THSD7A: variants seen among roughly 807,000 people sequenced by gnomAD.
THSD7A encodes the protein thrombospondin type-1 domain-containing protein 7A.
In THSD7A, 96 loss-of-function variants were observed where a neutral mutation model predicts 231.3. The observed-to-expected ratio is 0.41, with a 90% confidence interval of 0.35 to 0.49. The LOEUF is 0.49. Among genes scored for constraint, THSD7A ranks in the 20% least tolerant of loss-of-function variants. The pLI is 0.05. For missense variants in THSD7A, 2,290 were observed against 2,070.2 expected (o/e 1.11, Z -2.06); for synonymous variants, 940 against 743.3 (o/e 1.26, Z -4.30).
intron 13 of THSD7A, among the ~76,000 whole-genome samples, chr7:11,430,000 C>A (rs797012717): frequency 2.6e-5 from 4 of 152,278 alleles, no homozygotes; most frequent in African/African-American, 9.6e-5. Flanking sequence ...ATTCTCAAGG[C>A]AAACATGTGA....
At position 11,541,618 on chromosome 7, in the gene THSD7A, C is replaced by T. The variant is rs779112785; in HGVS notation, c.1623G>A (p.Arg541=). ...TGGGCTCATTGGTAATGCGCCGCTT[C>T]CTCAGTTTGAAGCCTGAATTATGGG... The part of the protein sequence containing the change: ...DQQGKKGFKL[R]KRRITNEPTG... Residue 541 remains arginine, a synonymous_variant, in exon 6 of 28, where the codon AGG becomes AGA. Transcript: ENST00000423059. 5 of 1,613,648 alleles carry T rather than the reference C, an allele frequency of 3.1e-6. No homozygotes were observed. In the African/African-American group the frequency reaches 5.3e-5, roughly 17 times the overall value.
intron 1 of THSD7A, among the ~76,000 whole-genome samples, chr7:11,826,408 T>C (rs1197202153): frequency 6.6e-6 from 1 of 152,248 alleles, no homozygotes; most frequent in East Asian, 1.9e-4. Flanking sequence ...GTATTCAACA[T>C]TTTTTGTCTG....
chr7:11,583,052 A>C (rs1791235958), intron 4 of THSD7A, among the ~76,000 whole-genome samples: 1 of 151,914 alleles, frequency 6.6e-6, no homozygotes, highest in African/African-American at 2.4e-5. Context: ...TCTCAGTGTT[A>C]AATATTCAAT....
intron 1 of THSD7A, among the ~76,000 whole-genome samples, chr7:11,735,485 G>A (rs1237108210): frequency 6.6e-6 from 1 of 151,920 alleles, no homozygotes; most frequent in African/African-American, 2.4e-5. Flanking sequence ...CAGGCTATGT[G>A]TGTAAGGTGT....
intron 6 of THSD7A, among the ~76,000 whole-genome samples, chr7:11,500,860 G>T (rs1435549568): frequency 2.0e-5 from 3 of 151,708 alleles, no homozygotes; most frequent in African/African-American, 7.3e-5. Flanking sequence ...GCTTGAATCT[G>T]GGAGGCAAAG....
Position 11,569,545 on chromosome 7 carries a change from A to G in THSD7A, c.1453+20915T>C, listed in dbSNP as rs774790935. Among the ~76,000 whole-genome samples, 129 of 152,324 alleles carry G rather than the reference A, an allele frequency of 8.5e-4. 1 individual carries two copies. The highest frequency in any genetic ancestry group is 3.4e-3 in the Middle Eastern group (1 of 294). ...AACATAAGAAATGCTGATAAGAATG[A>G]AGAGAAAAGTGAACAAGAGTTCCCT... On this transcript the variant is annotated intron_variant, in intron 4 of 27. Coordinates refer to ENST00000423059, the MANE Select transcript of THSD7A (RefSeq NM_015204.3).
intron 1 of THSD7A, among the ~76,000 whole-genome samples, chr7:11,763,930 G>T (rs1356653053): frequency 6.6e-6 from 1 of 152,008 alleles, no homozygotes; most frequent in Non-Finnish European, 1.5e-5. Context: ...TATTAAATGG[G>T]GATAAGTAAG....
intron 4 of THSD7A, among the ~76,000 whole-genome samples, chr7:11,561,339 A>C (rs769618860): frequency 4.6e-5 from 7 of 152,218 alleles, no homozygotes; most frequent in Non-Finnish European, 8.8e-5. Context: ...CACATATCAA[A>C]CCTAGTGGTC....
intron 1 of THSD7A, among the ~76,000 whole-genome samples, chr7:11,648,637 CGTGTGT>C (rs3031455): frequency 2.1e-5 from 3 of 141,058 alleles, no homozygotes; most frequent in African/African-American, 5.3e-5. Flanking sequence ...TATTTTGTGG[CGTGTGT>C]GTGTGTGTGT....
intron 6 of THSD7A, among the ~76,000 whole-genome samples, chr7:11,529,405 T>C (rs1424428911): frequency 2.0e-5 from 3 of 152,134 alleles, no homozygotes. Context: ...ATCAAGTTAT[T>C]GGTAAGTGAT....
At chr7:11,826,749 T>C (rs1195978678) in intron 1 of THSD7A, among the ~76,000 whole-genome samples, 2 of 149,396 alleles carry the variant, frequency 1.3e-5, no homozygotes, top group African/African-American at 2.5e-5. Flanking sequence ...GAGGCAATGA[T>C]TGCAGTGAGC....
At chr7:11,664,765 C>T (rs775695142) in intron 1 of THSD7A, among the ~76,000 whole-genome samples, 14 of 151,928 alleles carry the variant, frequency 9.2e-5, no homozygotes, top group Non-Finnish European at 1.5e-4. Context: ...GAATGCTGTC[C>T]CTTAACACCA....
chr7:11,567,748 C>G (rs1045482992), intron 4 of THSD7A, among the ~76,000 whole-genome samples: 1 of 152,070 alleles, frequency 6.6e-6, no homozygotes, highest in Non-Finnish European at 1.5e-5. Context: ...GTATATGGAC[C>G]CTGTTACCTC....
Position 11,611,731 on chromosome 7 carries a change from G to C in THSD7A, c.1023-18229C>G, listed in dbSNP as rs191590033. The stretch of plus-strand genomic sequence containing the variant: ...ATATATGAAAACACAGGAGTGTTTT[G>C]AAGGTTGTAGGTTAATCCAGAATGC... On this transcript the variant is annotated intron_variant, in intron 2 of 27. Coordinates refer to ENST00000423059, the MANE Select transcript of THSD7A (RefSeq NM_015204.3). Among the ~76,000 whole-genome samples the C allele has an allele frequency of 2.6e-3, 398 of 150,354 alleles. 3 individuals carry two copies. The highest frequency in any genetic ancestry group is 4.2e-3 in the Non-Finnish European group (283 of 67,646).
At chr7:11,479,313 G>A (rs1004084874) in intron 7 of THSD7A, among the ~76,000 whole-genome samples, 21 of 152,276 alleles carry the variant, frequency 1.4e-4, no homozygotes, top group Middle Eastern at 6.8e-3. Context: ...ATAGGTTGGA[G>A]CATTTATTTC....
At chr7:11,809,877 C>G (rs1383659372) in intron 1 of THSD7A, among the ~76,000 whole-genome samples, 1 of 152,078 alleles carries the variant, frequency 6.6e-6, no homozygotes, top group Non-Finnish European at 1.5e-5. Flanking sequence ...AGAATTGTAT[C>G]TAATATTTGA....
At chr7:11,665,543 A>C (rs1783097823) in intron 1 of THSD7A, among the ~76,000 whole-genome samples, 1 of 152,146 alleles carries the variant, frequency 6.6e-6, no homozygotes, top group Admixed American at 6.6e-5. Context: ...CTATAGTGTG[A>C]CAATTACTAC....
intron 1 of THSD7A, among the ~76,000 whole-genome samples, chr7:11,776,545 AT>A (rs753066175): frequency 1.7e-4 from 26 of 152,194 alleles, no homozygotes; most frequent in Non-Finnish European, 3.5e-4. Context: ...CTTTATTCAT[AT>A]TATGGTGCTT....
chr7:11,553,073 C>T (rs1471946494), intron 4 of THSD7A, among the ~76,000 whole-genome samples: 1 of 151,962 alleles, frequency 6.6e-6, no homozygotes, highest in Non-Finnish European at 1.5e-5. Flanking sequence ...TTTCCTGGCA[C>T]GAGACAAATC....
Sources: gnomAD v4.1 joint callset for allele counts (sites outside exome capture counted in the v4.1 genomes callset) on GRCh38, gnomAD v4.1.1 for gene constraint, MANE v1.5 for transcripts, NCBI Gene and HGNC (gene_info 2026-07-23, HGNC 2026-07-21) for gene names.